RBM47: variants seen among roughly 807,000 people sequenced by gnomAD.
The protein encoded by RBM47 is RNA-binding protein 47.
A neutral mutation model predicts 47.1 loss-of-function variants in RBM47; 21 were observed. The observed-to-expected ratio is 0.45, with a 90% CI of 0.32 to 0.64. RBM47 has a LOEUF of 0.64. Among genes scored for constraint, RBM47 ranks in the 30% least tolerant of loss-of-function variants. RBM47 has a pLI of 0.05. For synonymous variants in RBM47, 375 were observed against 361.7 expected (o/e 1.04, Z -0.42); for missense variants, 708 against 870.9 (o/e 0.81, Z 2.35).
chr4:40,586,991 G>A (rs755680409), intron 1 of RBM47, among the ~76,000 whole-genome samples: 1 of 152,102 alleles, frequency 6.6e-6, no homozygotes, highest in Non-Finnish European at 1.5e-5. Context: ...AAAATGAGGG[G>A]TTTAGTAATA....
intron 5 of RBM47, among the ~76,000 whole-genome samples, chr4:40,436,002 C>CA (rs11452583): frequency 0.74 from 82,395 of 111,242 alleles, 30,294 homozygotes; most frequent in South Asian, 0.81. Context: ...ACTAAAAATA[C>CA]AAAAAAAAAA....
chr4:40,431,637 G>A (rs368323093), intron 6 of RBM47, among the ~76,000 whole-genome samples: 37 of 140,530 alleles, frequency 2.6e-4, no homozygotes, highest in East Asian at 6.4e-4. Context: ...CAGCCTGGGC[G>A]ACAGAGCGAG....
intron 1 of RBM47, among the ~76,000 whole-genome samples, chr4:40,597,144 C>A (rs562203704): frequency 1.8e-4 from 28 of 151,976 alleles, no homozygotes; most frequent in African/African-American, 6.8e-4. Flanking sequence ...CCTGTAGTCC[C>A]GGCTACTTGG....
At chr4:40,427,723 T>G (rs1715259718) in intron 6 of RBM47, 1 of 152,182 alleles carries the variant, frequency 6.6e-6, no homozygotes, top group Non-Finnish European at 1.5e-5. Flanking sequence ...CCTGGATTTT[T>G]ATAAAGGAAT....
chr4:40,507,974 G>C (rs539222482), intron 2 of RBM47, among the ~76,000 whole-genome samples: 1 of 150,888 alleles, frequency 6.6e-6, no homozygotes, highest in Non-Finnish European at 1.5e-5. Context: ...GCTGAGGCAG[G>C]AGAATAGCTT....
chr4:40,464,177 C>T (rs1222312083), intron 3 of RBM47, among the ~76,000 whole-genome samples: 1 of 152,180 alleles, frequency 6.6e-6, no homozygotes, highest in African/African-American at 2.4e-5. Context: ...TAAATCGTGG[C>T]ATAGCCACAG....
intron 3 of RBM47, among the ~76,000 whole-genome samples, chr4:40,443,717 C>CAAAAAAAAAAAAA (rs10581870): frequency 1.3e-4 from 6 of 47,746 alleles, no homozygotes; most frequent in Admixed American, 3.2e-4. Flanking sequence ...AACTCCTTCT[C>CAAAAAAAAAAAAA]AAAAAAAAAA....
intron 1 of RBM47, among the ~76,000 whole-genome samples, chr4:40,575,552 C>CAAAAAAAAAAAAAAAAAAAAAAA (rs33963787): frequency 1.0e-5 from 1 of 98,362 alleles, no homozygotes; most frequent in African/African-American, 3.5e-5. Context: ...AACTCCATCT[C>CAAAAAAAAAAAAAAAAAAAAAAA]AAAAAAAAAA....
intron 2 of RBM47, among the ~76,000 whole-genome samples, chr4:40,488,881 G>A (rs1351501789): frequency 6.6e-6 from 1 of 152,170 alleles, no homozygotes; most frequent in Non-Finnish European, 1.5e-5. Flanking sequence ...ACAATCCTAT[G>A]AGGTACTAAT....
At chr4:40,501,609 C>A (rs945727580) in intron 2 of RBM47, among the ~76,000 whole-genome samples, 1 of 152,232 alleles carries the variant, frequency 6.6e-6, no homozygotes, top group Non-Finnish European at 1.5e-5. Context: ...TAAATAACTG[C>A]ACTGCATGCA....
intron 1 of RBM47, among the ~76,000 whole-genome samples, chr4:40,595,157 A>G (rs1734632560): frequency 6.6e-6 from 1 of 152,192 alleles, no homozygotes; most frequent in Non-Finnish European, 1.5e-5. Context: ...TGAGACAATT[A>G]TCTCCATAAT....
chr4:40,429,912 T>C (rs1440578070), intron 6 of RBM47, among the ~76,000 whole-genome samples: 1 of 151,718 alleles, frequency 6.6e-6, no homozygotes, highest in Non-Finnish European at 1.5e-5. Flanking sequence ...ACCCTGATGG[T>C]GGCCGGGCGC....
intron 1 of RBM47, among the ~76,000 whole-genome samples, chr4:40,587,213 G>A (rs1578018758): frequency 6.6e-6 from 1 of 152,224 alleles, no homozygotes; most frequent in Non-Finnish European, 1.5e-5. Flanking sequence ...AAAACGGGAA[G>A]AACAGTTTGA....
At chr4:40,582,499 A>T (rs140288419) in intron 1 of RBM47, among the ~76,000 whole-genome samples, 156 of 152,204 alleles carry the variant, frequency 1.0e-3, no homozygotes, top group African/African-American at 3.6e-3. Context: ...ATGCCACTGT[A>T]CTCCAGCCTG....
At chr4:40,509,741 C>A (rs186534049) in intron 2 of RBM47, among the ~76,000 whole-genome samples, 5,329 of 150,358 alleles carry the variant, frequency 0.035, 114 homozygotes, top group Non-Finnish European at 0.052. Context: ...AAAAAATTCT[C>A]CAGGCGTGGT....
chr4:40,477,145 T>C (rs1719733778), intron 2 of RBM47, among the ~76,000 whole-genome samples: 1 of 152,180 alleles, frequency 6.6e-6, no homozygotes, highest in African/African-American at 2.4e-5. Context: ...ATGGCGCCAC[T>C]GCACTCCAGC....
intron 1 of RBM47, among the ~76,000 whole-genome samples, chr4:40,597,242 AG>A (rs947131703): frequency 4.0e-5 from 6 of 151,680 alleles, no homozygotes; most frequent in Non-Finnish European, 8.8e-5. Context: ...CCTGGGTGAC[AG>A]AGCGAGATTC....
intron 2 of RBM47, among the ~76,000 whole-genome samples, chr4:40,491,351 G>A (rs749683549): frequency 6.6e-6 from 1 of 152,080 alleles, no homozygotes; most frequent in Non-Finnish European, 1.5e-5. Context: ...CCTCATAAGA[G>A]CTAAAACTGT....
intron 3 of RBM47, among the ~76,000 whole-genome samples, chr4:40,459,392 G>A (rs1040951254): frequency 5.9e-5 from 9 of 151,934 alleles, no homozygotes; most frequent in Admixed American, 1.3e-4. Context: ...TTTTTTTCAC[G>A]TATCTATTTA....
Sources: allele counts gnomAD v4.1 joint callset (sites outside exome capture counted in the v4.1 genomes callset), GRCh38; gene constraint gnomAD v4.1.1; transcripts MANE v1.5; gene names NCBI Gene and HGNC (gene_info 2026-07-23, HGNC 2026-07-21).